Variants in TRAK1 observed in about 807,000 individuals in gnomAD.
TRAK1 encodes trafficking kinesin protein 1, also known as trafficking kinesin-binding protein 1.
A neutral mutation model predicts 92.1 loss-of-function variants in TRAK1; 33 were observed. That is an observed-to-expected ratio of 0.36 (90% confidence interval 0.27 to 0.48). The LOEUF (loss-of-function observed/expected upper bound fraction) is 0.48. Among genes scored for constraint, TRAK1 ranks in the 20% least tolerant of loss-of-function variants. TRAK1 has a pLI of 0.99. For synonymous variants in TRAK1, 521 were observed against 517.3 expected, an observed-to-expected ratio of 1.01 and a Z score of -0.10; for missense variants, 1,123 against 1,257.9, an observed-to-expected ratio of 0.89 and a Z score of 1.62.
intron 1 of TRAK1, among the ~76,000 whole-genome samples, chr3:42,103,489 C>T (rs6808207): frequency 0.56 from 85,733 of 152,040 alleles, 24,544 homozygotes; most frequent in South Asian, 0.68. Flanking sequence ...GTTCTTAATA[C>T]GCTTTCAAAG....
chr3:42,198,320 C>T (rs1396346085), intron 10 of TRAK1, among the ~76,000 whole-genome samples: 2 of 152,216 alleles, frequency 1.3e-5, no homozygotes, highest in Non-Finnish European at 1.5e-5. Flanking sequence ...CCATCAGTGA[C>T]TAGCCTTCCC....
At chr3:42,050,329 G>A (rs977468048) in intron 1 of TRAK1, among the ~76,000 whole-genome samples, 3 of 152,214 alleles carry the variant, frequency 2.0e-5, no homozygotes, top group Non-Finnish European at 4.4e-5. Context: ...CAGTGGAGAA[G>A]GGACCATTGC....
chr3:42,018,546 G>A (rs1339418320), intron 1 of TRAK1, among the ~76,000 whole-genome samples: 1 of 152,126 alleles, frequency 6.6e-6, no homozygotes, highest in African/African-American at 2.4e-5. Context: ...ACCATGCTGT[G>A]GGTACTCAGG....
chr3:42,209,015 G>T (rs577651815), intron 13 of TRAK1, among the ~76,000 whole-genome samples: 1 of 152,208 alleles, frequency 6.6e-6, no homozygotes, highest in African/African-American at 2.4e-5. Flanking sequence ...ACACACTCCA[G>T]TGTTATTACA....
intron 14 of TRAK1, among the ~76,000 whole-genome samples, chr3:42,216,336 C>G (rs896543694): frequency 6.6e-6 from 1 of 152,152 alleles, no homozygotes. Flanking sequence ...CAGAAGGATC[C>G]CAACCACCCA....
chr3:42,036,776 G>T (rs912890211), intron 1 of TRAK1, among the ~76,000 whole-genome samples: 3 of 152,010 alleles, frequency 2.0e-5, no homozygotes, highest in Admixed American at 2.0e-4. Context: ...TTTGAGACAG[G>T]GTCTCGCTCT....
chr3:42,221,419 A>C (rs1710335766), intron 15 of TRAK1, among the ~76,000 whole-genome samples: 1 of 152,020 alleles, frequency 6.6e-6, no homozygotes, highest in African/African-American at 2.4e-5. Flanking sequence ...CCCAGGGCTG[A>C]GGTCACCTGA....
intron 11 of TRAK1, among the ~76,000 whole-genome samples, 199 bp from the exon 12 acceptor site, chr3:42,200,619 T>C (rs1707388260): frequency 6.6e-6 from 1 of 152,102 alleles, no homozygotes; most frequent in Admixed American, 6.6e-5. Context: ...GTTTAGTGGG[T>C]GTTGAATCTC....
chr3:42,170,999 T>C (rs1702483595), intron 2 of TRAK1, among the ~76,000 whole-genome samples: 1 of 151,992 alleles, frequency 6.6e-6, no homozygotes, highest in Non-Finnish European at 1.5e-5. Flanking sequence ...AATTTTTTTT[T>C]TGTATTTTTA....
At chr3:42,213,267 G>A (rs114258426) in intron 14 of TRAK1, among the ~76,000 whole-genome samples, 2,584 of 152,182 alleles carry the variant, frequency 0.017, 79 homozygotes, top group African/African-American at 0.06. Flanking sequence ...CTGTTAACCA[G>A]GCTGGTCTCG....
chr3:42,191,310 C>A (rs1264298726), intron 6 of TRAK1, among the ~76,000 whole-genome samples: 1 of 152,208 alleles, frequency 6.6e-6, no homozygotes, highest in African/African-American at 2.4e-5. Context: ...AGCACCTGTG[C>A]CCGTAGCTGT....
intron 2 of TRAK1, among the ~76,000 whole-genome samples, chr3:42,142,981 GTCCCTCTTGA>G (rs1235861005): frequency 2.0e-5 from 3 of 152,118 alleles, no homozygotes. Flanking sequence ...GGTGTTGCAG[GTCCCTCTTGA>G]TTTTTCCCTG....
chr3:42,193,277 G>A lies in TRAK1; in HGVS notation c.900+72G>A. The A allele has an allele frequency of 3.8e-6, 6 of 1,582,030 alleles. No homozygotes were observed. In the Middle Eastern group the frequency reaches 1.0e-3, roughly 269 times the overall value. On this transcript the variant is annotated intron_variant, in intron 8 of 15. Transcript: ENST00000327628. ...AGACGGGGAAGGGACATTTACTCCA[G>A]AAGACAGTGCTCTTTAGTTTCATAT...
chr3:42,100,052 A>C (rs1002279182), intron 1 of TRAK1, among the ~76,000 whole-genome samples: 3 of 152,060 alleles, frequency 2.0e-5, no homozygotes, highest in African/African-American at 7.3e-5. Context: ...AGGAAAGGGG[A>C]GTTAATCGTA....
At chr3:42,081,932 G>A (rs1704455550) in intron 1 of TRAK1, among the ~76,000 whole-genome samples, 1 of 152,162 alleles carries the variant, frequency 6.6e-6, no homozygotes, top group African/African-American at 2.4e-5. Context: ...CTGGGTGAAA[G>A]CTTAGTTTTG....
chr3:42,124,108 A>G (rs973986904), intron 1 of TRAK1, among the ~76,000 whole-genome samples: 1 of 151,318 alleles, frequency 6.6e-6, no homozygotes, highest in Non-Finnish European at 1.5e-5. Flanking sequence ...ACTGCATTCC[A>G]GCCTGGGCAA....
intron 2 of TRAK1, among the ~76,000 whole-genome samples, chr3:42,137,779 A>G (rs965387776): frequency 3.3e-5 from 5 of 152,152 alleles, no homozygotes; most frequent in Admixed American, 3.3e-4. Flanking sequence ...AGAGGAGAGA[A>G]AGTGGTTGGA....
intron 1 of TRAK1, among the ~76,000 whole-genome samples, chr3:42,105,367 C>T (rs896745204): frequency 8.5e-5 from 13 of 152,196 alleles, no homozygotes; most frequent in African/African-American, 1.2e-4. Context: ...AACTATGTGA[C>T]GCATGCACAA....
intron 2 of TRAK1, among the ~76,000 whole-genome samples, chr3:42,162,632 G>A (rs1396826160): frequency 1.3e-5 from 2 of 152,202 alleles, no homozygotes; most frequent in East Asian, 1.9e-4. Flanking sequence ...TAAATATGCA[G>A]TTGAGCAGTA....
Sources: gnomAD v4.1 joint callset for allele counts (sites outside exome capture counted in the v4.1 genomes callset) on GRCh38, gnomAD v4.1.1 for gene constraint, MANE v1.5 for transcripts, NCBI Gene and HGNC (gene_info 2026-07-23, HGNC 2026-07-21) for gene names.